CAST: variants seen among roughly 807,000 people sequenced by gnomAD.
CAST encodes the protein calpastatin, also known as MIR583 host.
Under a neutral mutation model 119.6 loss-of-function variants are expected in CAST, and 76 were observed. That is an observed-to-expected ratio of 0.64 (90% confidence interval 0.53 to 0.77). The LOEUF (loss-of-function observed/expected upper bound fraction) is 0.77, where lower values mean the gene tolerates loss of function less well. CAST is among the 30% of genes least tolerant of loss of function. The pLI is 0.00. For synonymous variants in CAST, 319 were observed against 331.6 expected (o/e 0.96, Z 0.41); for missense variants, 953 against 946.5 (o/e 1.01, Z -0.09).
chr5:96,525,885 G>C (rs537498780), upstream of CAST, among the ~76,000 whole-genome samples: 1 of 152,216 alleles, frequency 6.6e-6, no homozygotes, highest in African/African-American at 2.4e-5. Context: ...GGAGACATTC[G>C]TCAGCTGCTG....
intron 29 of CAST, chr5:96,768,892 T>C (rs1771062405): frequency 6.4e-6 from 1 of 155,088 alleles, no homozygotes; most frequent in African/African-American, 2.4e-5. Flanking sequence ...CTGTTACCTC[T>C]CTGTGCTTGT....
the CAST span, among the ~76,000 whole-genome samples, chr5:96,195,339 A>C: frequency 4.6e-5 from 7 of 152,148 alleles, no homozygotes; most frequent in Admixed American, 4.6e-4. Flanking sequence ...AAGCCTTTTA[A>C]ACAAATACTG....
the CAST span, among the ~76,000 whole-genome samples, chr5:96,340,396 C>T: frequency 6.7e-6 from 1 of 148,356 alleles, no homozygotes; most frequent in Non-Finnish European, 1.5e-5. Context: ...ACTTGTTTTT[C>T]ATCTTTGTTC....
the CAST span, chr5:96,425,882 C>T: frequency 1.2e-6 from 2 of 1,612,952 alleles, no homozygotes. Flanking sequence ...TCCCTTAGAG[C>T]TGAACGTTTA....
At chr5:96,667,481 T>C (rs929698243) in intron 1 of CAST, among the ~76,000 whole-genome samples, 4 of 152,202 alleles carry the variant, frequency 2.6e-5, no homozygotes, top group Admixed American at 2.6e-4. Context: ...GAAAAACTCA[T>C]CCAGCCTTAC....
chr5:96,112,121 ATAAT>A, the CAST span, among the ~76,000 whole-genome samples: 45 of 151,892 alleles, frequency 3.0e-4, no homozygotes, highest in African/African-American at 9.9e-4. Context: ...TCAGTTATTA[ATAAT>A]TATATTCTAA....
intron 1 of CAST, among the ~76,000 whole-genome samples, chr5:96,560,678 C>T (rs994256604): frequency 7.2e-5 from 11 of 151,912 alleles, no homozygotes; most frequent in African/African-American, 2.7e-4. Flanking sequence ...GTTAGAATGG[C>T]GATCATTAAA....
chr5:96,360,028 A>G, the CAST span, among the ~76,000 whole-genome samples: 1 of 151,848 alleles, frequency 6.6e-6, no homozygotes, highest in Non-Finnish European at 1.5e-5. Context: ...GGCTTTGTTC[A>G]TTCCTTTTCA....
chr5:96,301,093 C>A, the CAST span, among the ~76,000 whole-genome samples: 4 of 152,102 alleles, frequency 2.6e-5, no homozygotes, highest in African/African-American at 9.7e-5. Flanking sequence ...GTACATGAAA[C>A]ATGGCTGGAG....
chr5:96,659,154 A>T (rs1450748408), upstream of CAST, among the ~76,000 whole-genome samples: 1 of 152,192 alleles, frequency 6.6e-6, no homozygotes, highest in Non-Finnish European at 1.5e-5. Flanking sequence ...AACATCAAAG[A>T]TCTCTGATCA....
At chr5:96,324,971 G>A in the CAST span, among the ~76,000 whole-genome samples, 8 of 152,258 alleles carry the variant, frequency 5.3e-5, no homozygotes, top group East Asian at 7.7e-4. Flanking sequence ...TTGGGATGCC[G>A]AAGTGGGTGA....
chr5:96,420,562 T>A, the CAST span, among the ~76,000 whole-genome samples: 183 of 151,650 alleles, frequency 1.2e-3, no homozygotes, highest in Middle Eastern at 0.02. Flanking sequence ...TCCACAAGCC[T>A]CCCATTTTCC....
chr5:96,221,981 C>T, the CAST span, among the ~76,000 whole-genome samples: 2 of 152,036 alleles, frequency 1.3e-5, no homozygotes, highest in Non-Finnish European at 2.9e-5. Flanking sequence ...TGATTTTCAA[C>T]AAAGGTGCCA....
At chr5:96,671,410 A>T (rs1261798815) in intron 1 of CAST, among the ~76,000 whole-genome samples, 1 of 152,152 alleles carries the variant, frequency 6.6e-6, no homozygotes, top group Admixed American at 6.5e-5. Context: ...CTCATTTCAG[A>T]TCACCCGCAT....
chr5:96,617,611 A>T (rs539987471), intron 1 of CAST, among the ~76,000 whole-genome samples: 3 of 151,724 alleles, frequency 2.0e-5, no homozygotes, highest in African/African-American at 7.2e-5. Context: ...AACACAGTGA[A>T]ACCCCGTCTC....
the CAST span, among the ~76,000 whole-genome samples, chr5:96,337,824 T>C: frequency 6.4e-4 from 97 of 152,350 alleles, no homozygotes; most frequent in African/African-American, 2.2e-3. Context: ...TACTTCTCTC[T>C]TCATTAGTTT....
chr5:96,203,097 G>A, the CAST span, among the ~76,000 whole-genome samples: 2 of 151,580 alleles, frequency 1.3e-5, no homozygotes, highest in African/African-American at 4.8e-5. Context: ...AGGTGTAGGT[G>A]TATATGTGAC....
the CAST span, among the ~76,000 whole-genome samples, chr5:96,055,864 G>C: frequency 2.6e-5 from 4 of 151,922 alleles, no homozygotes; most frequent in Non-Finnish European, 5.9e-5. Flanking sequence ...GGAGATAATA[G>C]GTGAAGCTTT....
the CAST span, among the ~76,000 whole-genome samples, chr5:96,191,627 G>A: frequency 2.6e-5 from 4 of 152,116 alleles, no homozygotes; most frequent in African/African-American, 7.2e-5. Flanking sequence ...ATGGAGTCTC[G>A]CTCTGTCACC....
Sources: allele counts gnomAD v4.1 joint callset (sites outside exome capture counted in the v4.1 genomes callset), GRCh38; gene constraint gnomAD v4.1.1; transcripts MANE v1.5; gene names NCBI Gene and HGNC (gene_info 2026-07-23, HGNC 2026-07-21).